The following DNMT3A variants were observed in gnomAD, a reference collection of about 807,000 sequenced individuals.
DNMT3A encodes the protein DNA (cytosine-5)-methyltransferase 3A.
In DNMT3A, 267 loss-of-function variants were observed where a neutral mutation model predicts 117.6. That is an observed-to-expected ratio of 2.27 (90% CI 2.05 to 2.51). DNMT3A has a LOEUF of 2.51. Among genes scored for constraint, DNMT3A ranks in the 30% most tolerant of loss-of-function variants. The pLI is 0.00. For synonymous variants in DNMT3A, 432 were observed against 474.8 expected (o/e 0.91, Z 1.17); for missense variants, 1,029 against 1,260.2 (o/e 0.82, Z 2.78).
chr2:25,240,711 A>C lies in DNMT3A; in HGVS notation c.2102T>G (p.Phe701Cys), dbSNP rs1673922019. ...GGGACTGCCCCCAATCACCAGATCG[A>C]ATGGGCCCCACTCCTGGATCTGGGA... Reference protein sequence around the residue: ...TQKHIQEWGPFDLVIGGSPCN... With the variant: ...TQKHIQEWGPCDLVIGGSPCN... Residue 701 changes from phenylalanine (F) to cysteine (C), a missense_variant, in exon 18 of 23, where the codon TTC becomes TGC. Physicochemically the swap from Phe to Cys is radical, Grantham distance 205. Coordinates refer to ENST00000321117, the MANE Select transcript of DNMT3A (RefSeq NM_022552.5). The C allele has an allele frequency of 6.2e-7, 1 of 1,614,180 alleles. No homozygotes were observed. The highest frequency in any genetic ancestry group is 1.7e-5 in the Admixed American group (1 of 60,022).
intron 1 of DNMT3A, chr2:25,314,465 T>C: frequency 7.1e-6 from 7 of 985,190 alleles, no homozygotes; most frequent in Non-Finnish European, 8.4e-6. Context: ...ACAGCCTCTC[T>C]CTCCTTTGAA....
chr2:25,245,265 G>A lies in DNMT3A; in HGVS notation c.1542C>T (p.Cys514=). ...LEHPLFVGGM[C]QNCKNCFLEC... Reference sequence around the variant, plus strand: ...GGTGTGCTCCTACCTTGCAGTTTTGGCACATTCCTCCAACGAAGAGGGGGT... The same window carrying A: ...GGTGTGCTCCTACCTTGCAGTTTTGACACATTCCTCCAACGAAGAGGGGGT... Residue 514 remains cysteine (C), a synonymous_variant, in exon 13 of 23, where the codon TGC becomes TGT. Coordinates refer to ENST00000321117, the MANE Select transcript of DNMT3A (RefSeq NM_022552.5). 6.2e-7 allele frequency: 1 copy of A among 1,613,860 alleles called. No individual in the cohort carries two copies. The highest frequency in any genetic ancestry group is 8.5e-7 in the Non-Finnish European group (1 of 1,179,960).
intron 3 of DNMT3A, among the ~76,000 whole-genome samples, chr2:25,299,526 C>T (rs908556053): frequency 4.6e-5 from 7 of 152,236 alleles, no homozygotes; most frequent in African/African-American, 1.2e-4. Flanking sequence ...GGCCCTCTTG[C>T]TTCCCTTCCA....
At chr2:25,313,019 C>T (rs2034202020) in intron 2 of DNMT3A, among the ~76,000 whole-genome samples, 1 of 152,190 alleles carries the variant, frequency 6.6e-6, no homozygotes, top group Non-Finnish European at 1.5e-5. Flanking sequence ...GACAGACATG[C>T]CAGGAAGGCC....
intron 6 of DNMT3A, among the ~76,000 whole-genome samples, chr2:25,251,089 G>A (rs1573353202): frequency 1.3e-5 from 2 of 150,656 alleles, no homozygotes; most frequent in East Asian, 3.9e-4. Context: ...GGCCCGGTAA[G>A]GGCTGGCGGA....
At chr2:25,248,695 G>A (rs896967303) in intron 6 of DNMT3A, among the ~76,000 whole-genome samples, 1 of 151,958 alleles carries the variant, frequency 6.6e-6, no homozygotes, top group African/African-American at 2.4e-5. Flanking sequence ...TTACAGGCAT[G>A]TACCACCACA....
chr2:25,258,901 C>T (rs761535182), intron 6 of DNMT3A, among the ~76,000 whole-genome samples: 7 of 152,122 alleles, frequency 4.6e-5, no homozygotes, highest in African/African-American at 1.7e-4. Context: ...GGGCTTTTTG[C>T]ACTGACACTC....
intron 1 of DNMT3A, among the ~76,000 whole-genome samples, chr2:25,323,500 G>C (rs2034676704): frequency 6.6e-6 from 1 of 152,210 alleles, no homozygotes; most frequent in African/African-American, 2.4e-5. Flanking sequence ...CCAGCTGTGT[G>C]GCCTGAGGCG....
At position 25,240,679 on chromosome 2, in the gene DNMT3A, C is replaced by T; in HGVS notation, c.2134G>A (p.Asp712Asn). The T allele has an allele frequency of 6.2e-7, 1 of 1,614,230 alleles. No individual in the cohort carries two copies. The highest frequency in any genetic ancestry group is 8.5e-7 in the Non-Finnish European group (1 of 1,180,028). ...DLVIGGSPCN[D>N]LSIVNPARKG... ...CGAGCAGGGTTGACGATGGAGAGGT[C>T]ATTGCAGGGACTGCCCCCAATCACC... The change falls in exon 18 of 23, where the codon GAC becomes AAC. Residue 712 changes from aspartate (D) to asparagine (N), a missense_variant. By Grantham distance (23) the Asp-to-Asn change is conservative (BLOSUM62 1). Transcript: ENST00000321117.
chr2:25,244,179 G>A lies in DNMT3A; in HGVS notation c.1827C>T (p.Phe609=), dbSNP rs147260180. ...EDWPSRLQMF[F]ANNHDQEFDP... is the part of the protein sequence containing the mutation. Reference sequence around the variant, plus strand: ...CAAATTCCTGGTCGTGGTTATTAGCGAAGAACATCTGGAGCCGGGAGGGCC... The same window carrying A: ...CAAATTCCTGGTCGTGGTTATTAGCAAAGAACATCTGGAGCCGGGAGGGCC... Residue 609 remains phenylalanine, a synonymous_variant, in exon 15 of 23, where the codon TTC becomes TTT. Transcript: ENST00000321117. 1.1e-4 allele frequency: 179 copies of A among 1,613,810 alleles called. No individual in the cohort carries two copies. Among genetic ancestry groups the A allele is most frequent in the South Asian group, 2.0e-4 (18 of 91,082 alleles).
At position 25,236,800 on chromosome 2, in the gene DNMT3A, C is replaced by G; in HGVS notation, c.2478+136G>C. ...TCCTCTGGCTGCCCTGCTGCATGACCCTGCACCGTCTCCTAAATTGCATTC... is the reference window on the plus strand; with the variant it reads ...TCCTCTGGCTGCCCTGCTGCATGACGCTGCACCGTCTCCTAAATTGCATTC... On this transcript the variant is annotated intron_variant, in intron 21 of 22. Coordinates refer to ENST00000321117, the MANE Select transcript of DNMT3A (RefSeq NM_022552.5). This position sits in a 1 kb window ranked among gnomAD's most constrained non-coding sequence, Gnocchi z 4.5. 1 of 933,010 alleles carries G rather than the reference C, an allele frequency of 1.1e-6. No individual in the cohort carries two copies. The allele number at this position is 933,010 out of a possible 1,614,324, so 57.8% of individuals were successfully genotyped here.
chr2:25,313,766 C>A, intron 2 of DNMT3A, 147 bp downstream of exon 2: 1 of 1,261,580 alleles, frequency 7.9e-7, no homozygotes, highest in Non-Finnish European at 1.1e-6. Context: ...CCTCATCACC[C>A]AAACAGGGAT....
chr2:25,332,701 G>A (rs1017989014), intron 1 of DNMT3A, among the ~76,000 whole-genome samples: 6 of 152,240 alleles, frequency 3.9e-5, no homozygotes, highest in Non-Finnish European at 7.3e-5. Flanking sequence ...AAACGCAGAG[G>A]TGACTGACTG....
rs2033688558 is a variant in DNMT3A, at chr2:25,304,639, T to C, written c.73-4396A>G. 6.6e-6 allele frequency among the ~76,000 whole-genome samples: 1 copy of C among 152,164 alleles called. No individual in the cohort carries two copies. Among genetic ancestry groups the C allele is most frequent in the South Asian group, 2.1e-4 (1 of 4,832 alleles). On this transcript the variant is annotated intron_variant, in intron 2 of 22. Coordinates refer to ENST00000321117, the MANE Select transcript of DNMT3A (RefSeq NM_022552.5). The surrounding 1 kb of genome is among the most constrained non-coding windows in gnomAD (Gnocchi z 4.3). Reference sequence around the variant, plus strand: ...AGAGCTTAAACCTTTGCCACGGGGGTTCCCGGGGGCCAGGAGGATCCAGCC... The same window carrying C: ...AGAGCTTAAACCTTTGCCACGGGGGCTCCCGGGGGCCAGGAGGATCCAGCC...
chr2:25,241,031 G>A (rs987835876), intron 17 of DNMT3A, among the ~76,000 whole-genome samples: 5 of 152,218 alleles, frequency 3.3e-5, no homozygotes, highest in Non-Finnish European at 7.3e-5. Flanking sequence ...CTGGCATGCT[G>A]AGTGTCTTAG....
chr2:25,295,655 G>A (rs1254397454), intron 3 of DNMT3A, among the ~76,000 whole-genome samples: 1 of 152,222 alleles, frequency 6.6e-6, no homozygotes, highest in East Asian at 1.9e-4. Flanking sequence ...GCAGTGATAA[G>A]GAGGAAAGAG....
In DNMT3A at chr2:25,245,298, G is replaced by A; in HGVS notation, c.1509C>T (p.Thr503=). The A allele has an allele frequency of 6.2e-7, 1 of 1,613,988 alleles. No homozygotes were observed. The highest frequency in any genetic ancestry group is 8.5e-7 in the Non-Finnish European group (1 of 1,179,988). ...CTCCAACGAAGAGGGGGTGTTCCAGGGTAACATTGAGGCTCCCACAGGAGA... is the reference window on the plus strand; with the variant it reads ...CTCCAACGAAGAGGGGGTGTTCCAGAGTAACATTGAGGCTCCCACAGGAGA... ...ICISCGSLNV[T]LEHPLFVGGM... The change falls in exon 13 of 23, where the codon ACC becomes ACT. Residue 503 remains threonine, a synonymous_variant. Transcript: ENST00000321117.
intron 3 of DNMT3A, among the ~76,000 whole-genome samples, chr2:25,285,916 C>T (rs970437824): frequency 1.4e-5 from 2 of 144,852 alleles, no homozygotes; most frequent in Non-Finnish European, 3.0e-5. Flanking sequence ...TTCCAGGTAC[C>T]CCAAAGCCCC....
At chr2:25,239,642 C>T in intron 19 of DNMT3A, 1 of 469,480 alleles carries the variant, frequency 2.1e-6, no homozygotes, top group Non-Finnish European at 4.5e-6. Context: ...AGCCCAGGCT[C>T]CAGCGAGTAT....
Sources: allele counts gnomAD v4.1 joint callset (sites outside exome capture counted in the v4.1 genomes callset), GRCh38; gene constraint gnomAD v4.1.1; non-coding constraint Gnocchi (gnomAD v3.1); transcripts MANE v1.5; gene names NCBI Gene and HGNC (gene_info 2026-07-23, HGNC 2026-07-21).